TRIML2: variants seen among roughly 807,000 people sequenced by gnomAD.
TRIML2 encodes the protein tripartite motif family like 2.
TRIML2 carries 28 observed loss-of-function variants against 31.2 expected under a neutral mutation model. That is an observed-to-expected ratio of 0.90 (90% confidence interval 0.66 to 1.23). The LOEUF is 1.23. TRIML2 is among the 50% of genes most tolerant of loss of function. The pLI, the probability that TRIML2 is intolerant of heterozygous loss-of-function variation, is 0.00. For synonymous variants in TRIML2, 187 were observed against 197.5 expected, an observed-to-expected ratio of 0.95 and a Z score of 0.45; for missense variants, 536 against 528.3, an observed-to-expected ratio of 1.01 and a Z score of -0.14.
chr4:188,103,660 T>C (rs1211950970), intron 3 of TRIML2, among the ~76,000 whole-genome samples: 1 of 152,014 alleles, frequency 6.6e-6, no homozygotes, highest in East Asian at 1.9e-4. Context: ...CCTTTCTCAC[T>C]TAAAAAAAAT....
intron 7 of TRIML2, chr4:188,093,120 CA>C: frequency 3.6e-6 from 1 of 277,902 alleles, no homozygotes; most frequent in Non-Finnish European, 7.2e-6. Context: ...TCTCAGTTCA[CA>C]GCTCCCTCAT....
intron 4 of TRIML2, among the ~76,000 whole-genome samples, chr4:188,100,303 A>T (rs1381681396): frequency 6.6e-6 from 1 of 152,214 alleles, no homozygotes; most frequent in Non-Finnish European, 1.5e-5. Context: ...TTTATAAATT[A>T]GGGGTCACTG....
At chr4:188,092,857 TC>T (rs1302820510) in intron 7 of TRIML2, 1 of 456,554 alleles carries the variant, frequency 2.2e-6, no homozygotes, top group Non-Finnish European at 4.4e-6. Flanking sequence ...CTCTGACTGT[TC>T]CTCTCATCTC....
chr4:188,103,246 C>T lies in TRIML2; in HGVS notation c.285+1591G>A, dbSNP rs529441683. On this transcript the variant is annotated intron_variant, in intron 3 of 7. Coordinates refer to ENST00000682553, the MANE Select transcript of TRIML2 (RefSeq NM_173553.4). The stretch of plus-strand genomic sequence containing the variant: ...CGATCTCCTGACCTCGTGATCCGCC[C>T]GCCTCGGCCTCCCAAAGTGCTGGGA... 9.9e-5 allele frequency among the ~76,000 whole-genome samples: 15 copies of T among 152,078 alleles called. No homozygotes were observed. In the South Asian group the frequency reaches 2.3e-3, roughly 23 times the overall value.
rs781619330 is a variant in TRIML2 at position 188,105,331 on chromosome 4, ATGT to A, written c.35_37del (p.Asn12del). On this transcript the variant is annotated inframe_deletion, in exon 2 of 8. Coordinates refer to ENST00000682553, the MANE Select transcript of TRIML2 (RefSeq NM_173553.4). ...TGTTTCACAATAGGCATCTTCTGTG[ATGT>A]TGTGCTGTAACTGAGGGCTGAGCCT... is the stretch of plus-strand genomic sequence containing the variant. The A allele has an allele frequency of 8.9e-5, 143 of 1,599,070 alleles. 1 individual carries two copies. The highest frequency in any genetic ancestry group is 1.1e-4 in the Non-Finnish European group (130 of 1,169,634).
chr4:188,099,263 T>C, intron 4 of TRIML2, 88 bp from the exon 5 acceptor site: 6 of 1,487,040 alleles, frequency 4.0e-6, no homozygotes, highest in Admixed American at 4.7e-5. Context: ...AATTCAACCA[T>C]GTTTTTAAAA....
intron 7 of TRIML2, chr4:188,092,711 C>T (rs1309255976): frequency 2.7e-5 from 12 of 450,794 alleles, no homozygotes; most frequent in Non-Finnish European, 5.3e-5. Flanking sequence ...GACAACAGGC[C>T]CTGGACATCA....
In TRIML2 at chr4:188,091,551, C is replaced by T. The variant is rs757965462; in HGVS notation, c.1136G>A (p.Gly379Glu). The T allele has an allele frequency of 4.3e-6, 7 of 1,614,112 alleles. No homozygotes were observed. In the South Asian group the frequency reaches 6.6e-5, roughly 15 times the overall value. Residue 379 changes from glycine (G) to glutamate (E), a missense_variant, in exon 8 of 8, where the codon GGG becomes GAG. Coordinates refer to ENST00000682553, the MANE Select transcript of TRIML2 (RefSeq NM_173553.4). The part of the protein sequence containing the change: ...TVGVFLDCEH[G>E]QISFYNVTEM... ...GGTCACATTGTAGAATGATATCTGC[C>T]CGTGTTCGCAGTCAAGGAAAACGCC...
In TRIML2 at chr4:188,109,578, A is replaced by G. The variant is rs945463994; in HGVS notation, c.-558T>C. 1 of 152,022 alleles carries G rather than the reference A, an allele frequency of 6.6e-6. No individual in the cohort carries two copies. Among genetic ancestry groups the G allele is most frequent in the Admixed American group, 6.6e-5 (1 of 15,232 alleles). 9.4% of individuals were successfully genotyped at this position (152,022 alleles called of 1,614,324 possible). Reference sequence around the variant, plus strand: ...CAGGAATGAGTCACCACACCGAACCAAGGTATTTCCTTTAGGGAAAAAGCT... The same window carrying G: ...CAGGAATGAGTCACCACACCGAACCGAGGTATTTCCTTTAGGGAAAAAGCT... On this transcript the variant is annotated 5_prime_UTR_variant, in exon 1 of 8. Transcript: ENST00000682553.
chr4:188,098,443 C>T (rs905511169), intron 5 of TRIML2, among the ~76,000 whole-genome samples: 1 of 152,192 alleles, frequency 6.6e-6, no homozygotes, highest in African/African-American at 2.4e-5. Context: ...CCAAAGGCCC[C>T]ACCTCCCAAT....
rs138673199 is a variant in TRIML2 at position 188,097,128 on chromosome 4, G to A, written c.678C>T (p.Pro226=). 333 of 1,614,014 alleles carry A rather than the reference G, an allele frequency of 2.1e-4. 2 individuals are homozygous for A. The African/African-American group carries it at 3.7e-3, about 18-fold the overall frequency. The change falls in exon 7 of 8, where the codon CCC becomes CCT. Residue 226 remains proline, a synonymous_variant. Transcript: ENST00000682553. The part of the protein sequence containing the change: ...SKSLLLEHLE[P]AHITDLSLCH... ...ATAAACTCAGGTCTGTGATATGAGC[G>A]GGCTCCAGATGCTCAAGCAGCAGTG...
chr4:188,109,176 A>T (rs1323791287), intron 1 of TRIML2, 67 bp downstream of exon 1: 1 of 152,004 alleles, frequency 6.6e-6, no homozygotes, highest in Non-Finnish European at 1.5e-5. Flanking sequence ...ATAGATTCTA[A>T]GATCAAGTTT....
chr4:188,100,276 T>C (rs1221469012), intron 4 of TRIML2, among the ~76,000 whole-genome samples: 3 of 152,152 alleles, frequency 2.0e-5, no homozygotes, highest in African/African-American at 7.2e-5. Context: ...ATTATCTCAC[T>C]CAAATCTCAC....
At chr4:188,097,687 G>A (rs1031274522) in intron 5 of TRIML2, among the ~76,000 whole-genome samples, 1 of 152,170 alleles carries the variant, frequency 6.6e-6, no homozygotes, top group Non-Finnish European at 1.5e-5. Flanking sequence ...CTGGCTGGGA[G>A]GGCAGTGGGA....
At chr4:188,098,454 A>ACCAT (rs745878095) in intron 5 of TRIML2, among the ~76,000 whole-genome samples, 1 of 152,060 alleles carries the variant, frequency 6.6e-6, no homozygotes, top group Non-Finnish European at 1.5e-5. Flanking sequence ...ACCTCCCAAT[A>ACCAT]CCATCGCCTT....
At chr4:188,098,356 T>C (rs1733622391) in intron 5 of TRIML2, 1 of 374,834 alleles carries the variant, frequency 2.7e-6, no homozygotes, top group African/African-American at 2.1e-5. Flanking sequence ...GCTGAAGGGG[T>C]GAGGTCTTCC....
chr4:188,099,902 T>G (rs1203251680), intron 4 of TRIML2, among the ~76,000 whole-genome samples: 3 of 152,130 alleles, frequency 2.0e-5, no homozygotes, highest in African/African-American at 7.2e-5. Flanking sequence ...ACGTTACTGA[T>G]ATCAATTTTC....
intron 1 of TRIML2, chr4:188,106,812 A>G (rs1431988660): frequency 2.0e-5 from 5 of 244,270 alleles, no homozygotes; most frequent in Non-Finnish European, 4.3e-5. Context: ...GACTCTTGCT[A>G]AGGTGGCCAA....
In TRIML2 at chr4:188,109,270, C is replaced by CTTTTTTTTTTT. The variant is rs769207658; in HGVS notation, c.-261_-251dup. The CTTTTTTTTTTT allele has an allele frequency of 1.4e-5, 1 of 69,936 alleles. No individual in the cohort carries two copies. The highest frequency in any genetic ancestry group is 2.5e-4 in the Admixed American group (1 of 4,066). 4.3% of individuals were successfully genotyped at this position (69,936 alleles called of 1,614,324 possible). A position where few individuals can be genotyped will look rare whatever the true frequency, so the allele number is the denominator to read the frequency against. ...TCTTTGTAGCAATCCTGGGTATTTCCTTTTTTTTTTTTTTTTTTTTTTTTG... is the reference window on the plus strand; with the variant it reads ...TCTTTGTAGCAATCCTGGGTATTTCCTTTTTTTTTTTTTTTTTTTTTTTTTTTTTTTTTTTG... On this transcript the variant is annotated 5_prime_UTR_variant, in exon 1 of 8. Coordinates refer to ENST00000682553, the MANE Select transcript of TRIML2 (RefSeq NM_173553.4).
Sources: allele counts gnomAD v4.1 joint callset (sites outside exome capture counted in the v4.1 genomes callset), GRCh38; gene constraint gnomAD v4.1.1; transcripts MANE v1.5; gene names NCBI Gene and HGNC (gene_info 2026-07-23, HGNC 2026-07-21).